The following DCAF11 variants were observed in gnomAD, a reference collection of about 807,000 sequenced individuals.
DCAF11 encodes DDB1- and CUL4-associated factor 11.
In DCAF11, 44 loss-of-function variants were observed where a neutral mutation model predicts 76.1. That is an observed-to-expected ratio of 0.58 (90% CI 0.45 to 0.74). DCAF11 has a LOEUF of 0.74. Ranked by LOEUF, DCAF11 falls within the 30% of genes least tolerant of loss-of-function variation. DCAF11 has a pLI of 0.00. For synonymous variants in DCAF11, 258 were observed against 255.0 expected (o/e 1.01, Z -0.11); for missense variants, 604 against 709.4 (o/e 0.85, Z 1.69).
chr14:24,118,909 C>T (rs2037636449), intron 8 of DCAF11, 105 bp downstream of exon 8: 2 of 1,337,306 alleles, frequency 1.5e-6, no homozygotes, highest in Non-Finnish European at 2.1e-6. Context: ...AAAAAGTATA[C>T]TGGTGGGTCT....
chr14:24,123,462 G>C lies in DCAF11; in HGVS notation c.*153G>C. ...TCTGAGCCTCAGCTGAGCCCTGGAA[G>C]ATTCTCCCCATGGGGCAGAGTGGTC... On this transcript the variant is annotated 3_prime_UTR_variant, in exon 15 of 15. Transcript: ENST00000446197. 8.1e-7 allele frequency: 1 copy of C among 1,238,058 alleles called. No homozygotes were observed. The highest frequency in any genetic ancestry group is 2.2e-5 in the South Asian group (1 of 45,252). The allele number at this position is 1,238,058 out of a possible 1,614,324, so 76.7% of individuals were successfully genotyped here. A position where few individuals can be genotyped will look rare whatever the true frequency, so the allele number is the denominator to read the frequency against.
In DCAF11 at chr14:24,117,863, G is replaced by A. The variant is rs2037611985; in HGVS notation, c.476+131G>A. The A allele has an allele frequency of 1.9e-6, 2 of 1,038,624 alleles. No homozygotes were observed. The highest frequency in any genetic ancestry group is 2.4e-5 in the East Asian group (1 of 41,696). 64.3% of individuals were successfully genotyped at this position (1,038,624 alleles called of 1,614,324 possible). ...GTTAAATGGGGTTGAAACTTTGAGA[G>A]TAAACAAAGTAGAAAAGTGTAGAAA... is the stretch of plus-strand genomic sequence containing the variant. On this transcript the variant is annotated intron_variant, in intron 5 of 14. Transcript: ENST00000446197. This position sits in a 1 kb window ranked among gnomAD's most constrained non-coding sequence, Gnocchi z 4.3.
At chr14:24,122,933 TGTG>T (rs1424793568) in intron 13 of DCAF11, 35 bp from the exon 14 acceptor site, 1 of 1,588,596 alleles carries the variant, frequency 6.3e-7, no homozygotes, top group African/African-American at 1.3e-5. Context: ...TTAGATGTCT[TGTG>T]GTGGTCCCTC....
chr14:24,119,548 T>A lies in DCAF11; in HGVS notation c.849-11T>A. On this transcript the variant is annotated splice_polypyrimidine_tract_variant and intron_variant, in intron 9 of 14. Coordinates refer to ENST00000446197, the MANE Select transcript of DCAF11 (RefSeq NM_025230.5). ...TGGCTCCAGGACCCTCCTTTATCCC[T>A]TCCCTTTCAGGGCCAATGATGGCTG... 1 of 1,614,216 alleles carries A rather than the reference T, an allele frequency of 6.2e-7. No homozygotes were observed. Among genetic ancestry groups the A allele is most frequent in the Non-Finnish European group, 8.5e-7 (1 of 1,180,024 alleles).
intron 13 of DCAF11, 163 bp downstream of exon 13, chr14:24,121,680 T>C (rs2037693558): frequency 1.4e-6 from 1 of 739,560 alleles, no homozygotes; most frequent in South Asian, 2.2e-5. Flanking sequence ...CCATTCTATT[T>C]TTCAGTGTTT....
rs2037515807 is a variant in DCAF11 at position 24,115,137 on chromosome 14, G to T, written c.-370G>T. The T allele has an allele frequency of 7.5e-6, 3 of 402,520 alleles. No individual in the cohort carries two copies. Among genetic ancestry groups the T allele is most frequent in the South Asian group, 9.8e-5 (1 of 10,164 alleles). The allele number at this position is 402,520 out of a possible 1,614,324, so 24.9% of individuals were successfully genotyped here. On this transcript the variant is annotated 5_prime_UTR_variant, in exon 1 of 15. In the 5' UTR this introduces an upstream ATG that the reference lacks. Coordinates refer to ENST00000446197, the MANE Select transcript of DCAF11 (RefSeq NM_025230.5). ...TTGGTCGATAAGGTGGGGGCGTCGA[G>T]GGTCTTTGAGTCCTAAGGCTTCTAA...
Position 24,117,127 on chromosome 14 carries a change from G to A in DCAF11, c.283+83G>A. Reference sequence around the variant, plus strand: ...TTTTGAATGATAGGTTACATTGAAAGAAGGTACGATAATTTAAGGAATAAG... The same window carrying A: ...TTTTGAATGATAGGTTACATTGAAAAAAGGTACGATAATTTAAGGAATAAG... On this transcript the variant is annotated intron_variant, in intron 3 of 14. Transcript: ENST00000446197. This position sits in a 1 kb window ranked among gnomAD's most constrained non-coding sequence, Gnocchi z 4.3. The A allele has an allele frequency of 6.2e-7, 1 of 1,610,240 alleles. No homozygotes were observed. The highest frequency in any genetic ancestry group is 8.5e-7 in the Non-Finnish European group (1 of 1,177,604).
rs780786411 is a variant in DCAF11 at position 24,123,351 on chromosome 14, C to T, written c.*42C>T. 8 of 1,502,830 alleles carry T rather than the reference C, an allele frequency of 5.3e-6. No homozygotes were observed. In the South Asian group the frequency reaches 1.1e-4, roughly 21 times the overall value. The allele number at this position is 1,502,830 out of a possible 1,614,324, so 93.1% of individuals were successfully genotyped here. ...CATATAGGGTGAACCTCTTGATAAG[C>T]TCTCTGCCTCCTCCTCCCTTTCTCC... On this transcript the variant is annotated 3_prime_UTR_variant, in exon 15 of 15. Coordinates refer to ENST00000446197, the MANE Select transcript of DCAF11 (RefSeq NM_025230.5).
intron 12 of DCAF11, 42 bp downstream of exon 12, chr14:24,121,033 T>C: frequency 1.2e-6 from 2 of 1,607,510 alleles, no homozygotes; most frequent in Non-Finnish European, 1.7e-6. Context: ...GTCTGTAGCC[T>C]GGGAGCCCTG....
Position 24,120,745 on chromosome 14 carries a change from A to C in DCAF11, c.1093-93A>C. ...AGAGGCAAGTAAAGCCAGAGGCCAGAGTTCTTCTGCTCAACTAGAGAACGG... is the reference window on the plus strand; with the variant it reads ...AGAGGCAAGTAAAGCCAGAGGCCAGCGTTCTTCTGCTCAACTAGAGAACGG... On this transcript the variant is annotated intron_variant, in intron 11 of 14. Transcript: ENST00000446197. The C allele has an allele frequency of 7.4e-6, 11 of 1,487,760 alleles. No homozygotes were observed. In the South Asian group the frequency reaches 1.4e-4, roughly 19 times the overall value. The allele number at this position is 1,487,760 out of a possible 1,614,324, so 92.2% of individuals were successfully genotyped here.
rs2037655084 is a variant in DCAF11 at position 24,119,747 on chromosome 14, T to A, written c.943T>A (p.Phe315Ile). ...TGAGGATGATGTGAATGCAGTGGCCTTTGCTGATATAAGCTCCCAAATCCT... is the reference window on the plus strand; with the variant it reads ...TGAGGATGATGTGAATGCAGTGGCCATTGCTGATATAAGCTCCCAAATCCT... ...SHEDDVNAVA[F>I]ADISSQILFS... Residue 315 changes from phenylalanine to isoleucine, a missense_variant, in exon 11 of 15, where the codon TTT (phenylalanine) becomes ATT (isoleucine). Coordinates refer to ENST00000446197, the MANE Select transcript of DCAF11 (RefSeq NM_025230.5). 6.2e-7 allele frequency: 1 copy of A among 1,614,220 alleles called. No homozygotes were observed. Among genetic ancestry groups the A allele is most frequent in the Non-Finnish European group, 8.5e-7 (1 of 1,180,044 alleles).
intron 8 of DCAF11, 52 bp downstream of exon 8, chr14:24,118,856 TC>T: frequency 6.3e-7 from 1 of 1,591,562 alleles, no homozygotes; most frequent in Non-Finnish European, 8.6e-7. Flanking sequence ...CAAGGGAAGC[TC>T]TTTGGGAGCA....
rs1030161023 is a variant in DCAF11 at position 24,120,824 on chromosome 14, C to T, written c.1093-14C>T. ...CAAGCTCTGATGCTTCACTATCCAC[C>T]TTTGGATTCATAGGGTGATGCCCGG... On this transcript the variant is annotated splice_polypyrimidine_tract_variant and intron_variant, in intron 11 of 14. Transcript: ENST00000446197. 1 of 1,613,842 alleles carries T rather than the reference C, an allele frequency of 6.2e-7. No individual in the cohort carries two copies. Among genetic ancestry groups the T allele is most frequent in the African/African-American group, 1.3e-5 (1 of 74,920 alleles).
Position 24,115,637 on chromosome 14 carries a change from G to A in DCAF11, c.43G>A (p.Asp15Asn). ...CAGCAGTGCAGGATCCGGGTCCGGA[G>A]ACCCCTCCGAGGGCTTGCCCCGAAG... is the stretch of plus-strand genomic sequence containing the variant. ...NSSSAGSGSG[D>N]PSEGLPRRGA... The change falls in exon 2 of 15, where the codon GAC becomes AAC. Residue 15 changes from aspartate to asparagine, a missense_variant. Coordinates refer to ENST00000446197, the MANE Select transcript of DCAF11 (RefSeq NM_025230.5). The A allele has an allele frequency of 6.2e-7, 1 of 1,613,946 alleles. No individual in the cohort carries two copies. The highest frequency in any genetic ancestry group is 8.5e-7 in the Non-Finnish European group (1 of 1,179,926).
intron 7 of DCAF11, 31 bp downstream of exon 7, chr14:24,118,565 C>T: frequency 1.2e-6 from 2 of 1,608,638 alleles, no homozygotes; most frequent in African/African-American, 1.3e-5. Context: ...CACTGACTCT[C>T]CAGCCTGGGA....
At chr14:24,119,386 T>C (rs2037647127) in intron 9 of DCAF11, 173 bp downstream of exon 9, 1 of 1,179,800 alleles carries the variant, frequency 8.5e-7, no homozygotes, top group Non-Finnish European at 1.2e-6. Flanking sequence ...CAGCACGAGA[T>C]TGGAGGTGTC....
In DCAF11 at chr14:24,117,705, T is replaced by C; in HGVS notation, c.449T>C (p.Leu150Pro). 6.2e-7 allele frequency: 1 copy of C among 1,614,164 alleles called. No individual in the cohort carries two copies. The highest frequency in any genetic ancestry group is 2.2e-5 in the East Asian group (1 of 44,882). Residue 150 changes from leucine to proline, a missense_variant, in exon 5 of 15, where the codon CTT becomes CCT. By Grantham distance (98) the Leu-to-Pro change is moderately conservative. Coordinates refer to ENST00000446197, the MANE Select transcript of DCAF11 (RefSeq NM_025230.5). The surrounding 1 kb of genome is among the most constrained non-coding windows in gnomAD (Gnocchi z 4.3). ...RGLCHRGSFSLGEQSRVISHF... is the reference protein window; with the variant it reads ...RGLCHRGSFSPGEQSRVISHF... ...CTCTGCCATCGGGGAAGCTTCTCCC[T>C]TGGAGAACAGTCTCGAGTGATATCT...
At position 24,114,784 on chromosome 14, in the gene DCAF11, G is replaced by C; in HGVS notation, c.-723G>C. On this transcript the variant is annotated 5_prime_UTR_variant, in exon 1 of 15. Transcript: ENST00000446197. ...CAAGGGGGCGGGGCCGTCGTGTGAC[G>C]TTTGCAGCCCGCCGGCCAGGAAGCC... is the stretch of plus-strand genomic sequence containing the variant. 1.0e-6 allele frequency: 1 copy of C among 985,960 alleles called. No homozygotes were observed. The highest frequency in any genetic ancestry group is 1.2e-6 in the Non-Finnish European group (1 of 829,964). The allele number at this position is 985,960 out of a possible 1,614,324, so 61.1% of individuals were successfully genotyped here. A position where few individuals can be genotyped will look rare whatever the true frequency, so the allele number is the denominator to read the frequency against.
chr14:24,119,775 T>G lies in DCAF11; in HGVS notation c.971T>G (p.Phe324Cys). 6.2e-7 allele frequency: 1 copy of G among 1,614,200 alleles called. No individual in the cohort carries two copies. The highest frequency in any genetic ancestry group is 1.1e-5 in the South Asian group (1 of 91,088). The change falls in exon 11 of 15, where the codon TTC (phenylalanine) becomes TGC (cysteine). Residue 324 changes from phenylalanine to cysteine, a missense_variant. Coordinates refer to ENST00000446197, the MANE Select transcript of DCAF11 (RefSeq NM_025230.5). ...GCTGATATAAGCTCCCAAATCCTGTTCTCTGGGGGAGATGATGCCATCTGC... is the reference window on the plus strand; with the variant it reads ...GCTGATATAAGCTCCCAAATCCTGTGCTCTGGGGGAGATGATGCCATCTGC... ...AFADISSQIL[F>C]SGGDDAICKV...
Sources: allele counts gnomAD v4.1 joint callset, GRCh38; gene constraint gnomAD v4.1.1; non-coding constraint Gnocchi (gnomAD v3.1); transcripts MANE v1.5; gene names NCBI Gene and HGNC (gene_info 2026-07-23, HGNC 2026-07-21).